The following UNC5D variants were observed in gnomAD, a reference collection of about 807,000 sequenced individuals.
The protein encoded by UNC5D is netrin receptor UNC5D.
Under a neutral mutation model 105.4 loss-of-function variants are expected in UNC5D, and 39 were observed. That is an observed-to-expected ratio of 0.37 (90% CI 0.29 to 0.48). The LOEUF (loss-of-function observed/expected upper bound fraction) is 0.48, where lower values mean the gene tolerates loss of function less well. Ranked by LOEUF, UNC5D falls within the 20% of genes least tolerant of loss-of-function variation. UNC5D has a pLI of 0.98. For synonymous variants in UNC5D, 452 were observed against 450.4 expected, an observed-to-expected ratio of 1.00 and a Z score of -0.04; for missense variants, 991 against 1,202.4, an observed-to-expected ratio of 0.82 and a Z score of 2.60.
chr8:35,791,787 C>T lies in UNC5D; in HGVS notation c.*1224C>T, dbSNP rs1455176468. 1 of 152,128 alleles carries T rather than the reference C, an allele frequency of 6.6e-6. No individual in the cohort carries two copies. Among genetic ancestry groups the T allele is most frequent in the Non-Finnish European group, 1.5e-5 (1 of 68,030 alleles). The allele number at this position is 152,128 out of a possible 1,614,324, so 9.4% of individuals were successfully genotyped here. ...TGACTATTCAGCCTCCCTGAATATG[C>T]TTTCTCTATAGAACCACTAACATAT... On this transcript the variant is annotated 3_prime_UTR_variant, in exon 17 of 17. Coordinates refer to ENST00000404895, the MANE Select transcript of UNC5D (RefSeq NM_080872.4).
intron 1 of UNC5D, among the ~76,000 whole-genome samples, chr8:35,521,431 A>G (rs896787583): frequency 2.6e-5 from 4 of 152,184 alleles, no homozygotes; most frequent in African/African-American, 9.6e-5. Context: ...TTTGATGTTT[A>G]TATTTTTAGG....
chr8:35,700,897 A>T lies in UNC5D; in HGVS notation c.1085-5032A>T, dbSNP rs559592331. Among the ~76,000 whole-genome samples the T allele has an allele frequency of 3.9e-4, 60 of 152,336 alleles. 1 individual carries two copies. The highest frequency in any genetic ancestry group is 1.4e-3 in the African/African-American group (60 of 41,582). On this transcript the variant is annotated intron_variant, in intron 7 of 16. Transcript: ENST00000404895. ...CAAATAAGGAAATAAGCCAGAGAAT[A>T]GATACAAAAGGCAGACTATTCTATA...
At chr8:35,413,292 T>TGTGTTGTGTG (rs56157732) in intron 1 of UNC5D, among the ~76,000 whole-genome samples, 73 of 128,044 alleles carry the variant, frequency 5.7e-4, no homozygotes, top group Admixed American at 1.7e-3. Context: ...TGTGTGTGTG[T>TGTGTTGTGTG]TGTGTGTGTG....
chr8:35,533,468 C>T (rs560360174), intron 1 of UNC5D, among the ~76,000 whole-genome samples: 4 of 152,230 alleles, frequency 2.6e-5, no homozygotes, highest in South Asian at 2.1e-4. Flanking sequence ...TACAAGGACA[C>T]TTAAGTCTGC....
At chr8:35,416,926 G>A (rs1019896678) in intron 1 of UNC5D, among the ~76,000 whole-genome samples, 5 of 152,076 alleles carry the variant, frequency 3.3e-5, no homozygotes, top group Non-Finnish European at 5.9e-5. Flanking sequence ...AGGGAATTCT[G>A]TTTATTTTTT....
At chr8:35,419,615 G>A (rs930018981) in intron 1 of UNC5D, among the ~76,000 whole-genome samples, 3 of 152,164 alleles carry the variant, frequency 2.0e-5, no homozygotes, top group East Asian at 1.9e-4. Context: ...CACCCACAGC[G>A]CAGTGGATGG....
At chr8:35,250,082 T>C (rs1803589624) in intron 1 of UNC5D, among the ~76,000 whole-genome samples, 1 of 152,150 alleles carries the variant, frequency 6.6e-6, no homozygotes, top group Admixed American at 6.5e-5. Flanking sequence ...TGGAACACGT[T>C]AGATTAAAAG....
intron 7 of UNC5D, among the ~76,000 whole-genome samples, chr8:35,704,156 T>C (rs1257193168): frequency 6.6e-6 from 1 of 152,216 alleles, no homozygotes; most frequent in Non-Finnish European, 1.5e-5. Flanking sequence ...TGCCAGAAAT[T>C]ACCCTTTACC....
At chr8:35,299,122 A>C (rs992174409) in intron 1 of UNC5D, among the ~76,000 whole-genome samples, 5 of 152,206 alleles carry the variant, frequency 3.3e-5, no homozygotes, top group African/African-American at 1.2e-4. Context: ...ACACTAAGGA[A>C]TATGTAAAAT....
chr8:35,747,517 A>G (rs761050493), intron 11 of UNC5D, among the ~76,000 whole-genome samples: 2 of 152,186 alleles, frequency 1.3e-5, no homozygotes, highest in Non-Finnish European at 2.9e-5. Flanking sequence ...TACCAATTCC[A>G]GCTCTCCCGT....
chr8:35,433,588 AC>A (rs1440769772), intron 1 of UNC5D, among the ~76,000 whole-genome samples: 1 of 152,182 alleles, frequency 6.6e-6, no homozygotes, highest in African/African-American at 2.4e-5. Context: ...TAGAATATGA[AC>A]ATAAATGAAT....
At chr8:35,430,764 A>G (rs183827023) in intron 1 of UNC5D, among the ~76,000 whole-genome samples, 84 of 152,230 alleles carry the variant, frequency 5.5e-4, no homozygotes, top group Non-Finnish European at 9.9e-4. Flanking sequence ...GAGGAAAAAC[A>G]TTTTTGCTAC....
intron 2 of UNC5D, among the ~76,000 whole-genome samples, chr8:35,553,628 A>C (rs767218041): frequency 9.2e-5 from 14 of 152,246 alleles, no homozygotes. Context: ...TCTGCCGCAC[A>C]CTGCAATTAT....
intron 1 of UNC5D, among the ~76,000 whole-genome samples, chr8:35,534,013 C>T (rs372770059): frequency 4.0e-5 from 6 of 148,326 alleles, no homozygotes; most frequent in South Asian, 2.2e-4. Flanking sequence ...TCTTCTGCGT[C>T]GCTCACGCTG....
intron 1 of UNC5D, among the ~76,000 whole-genome samples, chr8:35,239,011 C>T (rs1342178925): frequency 6.6e-6 from 1 of 152,122 alleles, no homozygotes; most frequent in East Asian, 1.9e-4. Context: ...GTCTTTTTCC[C>T]CTATTTCCTG....
intron 1 of UNC5D, among the ~76,000 whole-genome samples, chr8:35,374,853 G>A (rs1802608355): frequency 6.6e-6 from 1 of 152,154 alleles, no homozygotes; most frequent in Non-Finnish European, 1.5e-5. Flanking sequence ...GAGATTCTTT[G>A]GGGCTCTACT....
intron 1 of UNC5D, among the ~76,000 whole-genome samples, chr8:35,493,052 A>G (rs1320699342): frequency 6.6e-6 from 1 of 152,062 alleles, no homozygotes; most frequent in Non-Finnish European, 1.5e-5. Flanking sequence ...CAGTTCGACA[A>G]GGAAACTTGC....
intron 16 of UNC5D, among the ~76,000 whole-genome samples, chr8:35,780,910 G>T (rs1802474459): frequency 6.6e-6 from 1 of 152,142 alleles, no homozygotes; most frequent in Non-Finnish European, 1.5e-5. Context: ...TCCTAGGAAT[G>T]ATTTATCTAA....
intron 1 of UNC5D, among the ~76,000 whole-genome samples, chr8:35,461,033 A>G (rs777744622): frequency 4.6e-5 from 7 of 152,200 alleles, no homozygotes; most frequent in Non-Finnish European, 8.8e-5. Context: ...AGAAGATTTC[A>G]TTGTTCTAGG....
Sources: gnomAD v4.1 joint callset for allele counts (sites outside exome capture counted in the v4.1 genomes callset) on GRCh38, gnomAD v4.1.1 for gene constraint, MANE v1.5 for transcripts, NCBI Gene and HGNC (gene_info 2026-07-23, HGNC 2026-07-21) for gene names.